PREPL: variants seen among roughly 807,000 people sequenced by gnomAD.
The protein encoded by PREPL is prolyl endopeptidase-like.
In PREPL, 77 loss-of-function variants were observed where a neutral mutation model predicts 70.6. That is an observed-to-expected ratio of 1.09 (90% CI 0.91 to 1.32). The LOEUF (loss-of-function observed/expected upper bound fraction) is 1.32, where lower values mean the gene tolerates loss of function less well. PREPL is among the 40% of genes most tolerant of loss of function. PREPL has a pLI of 0.00. For synonymous variants in PREPL, 315 were observed against 264.8 expected, an observed-to-expected ratio of 1.19 and a Z score of -1.84; for missense variants, 1,002 against 778.2, an observed-to-expected ratio of 1.29 and a Z score of -3.42.
At position 44,338,432 on chromosome 2, in the gene PREPL, G is replaced by A. The variant is rs1674861953; in HGVS notation, c.807C>T (p.His269=). 1 of 1,613,428 alleles carries A rather than the reference G, an allele frequency of 6.2e-7. No individual in the cohort carries two copies. Among genetic ancestry groups the A allele is most frequent in the Non-Finnish European group, 8.5e-7 (1 of 1,179,716 alleles). Residue 269 remains histidine (H), a synonymous_variant, in exon 7 of 14, where the codon CAC becomes CAT. Transcript: ENST00000409411. The part of the protein sequence containing the change: ...KVIDLDMFKD[H]CVLFLKHSNL... ...TGCTGTGCTTCAGAAATAGAACACAGTGATCCTTAAACATGTCCAAGTCTA... is the reference window on the plus strand; with the variant it reads ...TGCTGTGCTTCAGAAATAGAACACAATGATCCTTAAACATGTCCAAGTCTA...
At chr2:44,322,413 G>A (rs1296124894) in intron 12 of PREPL, among the ~76,000 whole-genome samples, 2 of 152,124 alleles carry the variant, frequency 1.3e-5, no homozygotes, top group Admixed American at 6.6e-5. Context: ...CAAGAATAAC[G>A]GCTCAATAAA....
intron 13 of PREPL, 73 bp from the exon 14 acceptor site, chr2:44,321,518 A>G (rs1327593037): frequency 1.3e-6 from 2 of 1,558,494 alleles, no homozygotes; most frequent in African/African-American, 2.8e-5. Context: ...GCTTCTCTTT[A>G]TCTATCCATC....
At chr2:44,361,672 C>T (rs748919437), upstream of PREPL, 3 of 279,876 alleles carry the variant, frequency 1.1e-5, no homozygotes, top group African/African-American at 6.5e-5. Flanking sequence ...TAAGACTTTT[C>T]GTTCTTCGCT....
At chr2:44,324,368 C>A (rs1330793613) in intron 10 of PREPL, among the ~76,000 whole-genome samples, 1 of 152,040 alleles carries the variant, frequency 6.6e-6, no homozygotes. Context: ...CTGAACTATT[C>A]ACTTAAAAAT....
Position 44,338,551 on chromosome 2 carries a change from G to C in PREPL, c.703-15C>G, listed in dbSNP as rs771209563. The C allele has an allele frequency of 3.1e-6, 5 of 1,588,794 alleles. No homozygotes were observed. The highest frequency in any genetic ancestry group is 1.4e-5 in the African/African-American group (1 of 73,490). ...GTTCTCATTAGCTACGTGGAACAAAGTTAGAAGACATATAGGTAAGAAAAC... is the reference window on the plus strand; with the variant it reads ...GTTCTCATTAGCTACGTGGAACAAACTTAGAAGACATATAGGTAAGAAAAC... On this transcript the variant is annotated splice_polypyrimidine_tract_variant and intron_variant, in intron 6 of 13. Coordinates refer to ENST00000409411, the MANE Select transcript of PREPL (RefSeq NM_001171613.2).
chr2:44,351,962 G>A (rs975235198), intron 1 of PREPL, among the ~76,000 whole-genome samples: 1 of 152,172 alleles, frequency 6.6e-6, no homozygotes, highest in Non-Finnish European at 1.5e-5. Context: ...TTACATTGCT[G>A]ACCTAATCTA....
At chr2:44,359,088 TCAGA>T (rs1402867800) in intron 1 of PREPL, among the ~76,000 whole-genome samples, 2 of 114,704 alleles carry the variant, frequency 1.7e-5, no homozygotes, top group African/African-American at 6.5e-5. Context: ...TTTTTTTTTT[TCAGA>T]CAGAGTCTCC....
Position 44,321,863 on chromosome 2 carries a change from A to G in PREPL, c.1791T>C (p.Pro597=), listed in dbSNP as rs189954086. The stretch of plus-strand genomic sequence containing the variant: ...AATCCTCAATTACATGATTGCCTCC[A>G]GGCTGAATATCTAGAATAATATTAG... ...QTPNIILDIQ[P]GGNHVIEDSH... Residue 597 remains proline (P), a synonymous_variant, in exon 13 of 14, where the codon CCT becomes CCC. Coordinates refer to ENST00000409411, the MANE Select transcript of PREPL (RefSeq NM_001171613.2). 4.2e-5 allele frequency: 68 copies of G among 1,613,742 alleles called. No homozygotes were observed. The Admixed American group carries it at 9.7e-4, about 23-fold the overall frequency.
chr2:44,359,238 T>C (rs1677393560), intron 1 of PREPL, among the ~76,000 whole-genome samples: 1 of 152,016 alleles, frequency 6.6e-6, no homozygotes, highest in Non-Finnish European at 1.5e-5. Context: ...TAGCTAACTT[T>C]TGTATTTTTA....
intron 10 of PREPL, among the ~76,000 whole-genome samples, chr2:44,324,662 G>C (rs1673315513): frequency 6.6e-6 from 1 of 152,164 alleles, no homozygotes; most frequent in African/African-American, 2.4e-5. Context: ...CAAATCACTT[G>C]AGCCCAGGAG....
At chr2:44,346,127 TTTTTAA>T in intron 2 of PREPL, 135 bp downstream of exon 2, 2 of 682,510 alleles carry the variant, frequency 2.9e-6, no homozygotes, top group Non-Finnish European at 4.7e-6. Flanking sequence ...AAATCTTTGC[TTTTTAA>T]GTTTTTCAGC....
At chr2:44,350,439 C>G (rs1002278802) in intron 1 of PREPL, among the ~76,000 whole-genome samples, 1 of 152,072 alleles carries the variant, frequency 6.6e-6, no homozygotes, top group Non-Finnish European at 1.5e-5. Context: ...GAGGAACTTC[C>G]TTAATAGTTT....
At chr2:44,327,993 A>G (rs1438637271) in intron 9 of PREPL, among the ~76,000 whole-genome samples, 1 of 150,378 alleles carries the variant, frequency 6.6e-6, no homozygotes, top group East Asian at 2.0e-4. Flanking sequence ...CTACTAAAAT[A>G]CAAAAAAATC....
Position 44,320,851 on chromosome 2 carries a change from T to C in PREPL, c.*505A>G, listed in dbSNP as rs1304888682. On this transcript the variant is annotated 3_prime_UTR_variant, in exon 14 of 14. Coordinates refer to ENST00000409411, the MANE Select transcript of PREPL (RefSeq NM_001171613.2). ...TATGGCTTATAGGAGCTTATAACTT[T>C]ATTCAGATAGCATCAATCAGGGATG... 3.5e-6 allele frequency: 2 copies of C among 575,432 alleles called. No homozygotes were observed. Among genetic ancestry groups the C allele is most frequent in the African/African-American group, 1.9e-5 (1 of 53,454 alleles). 35.6% of individuals were successfully genotyped at this position (575,432 alleles called of 1,614,324 possible).
chr2:44,350,489 T>C (rs1676300728), intron 1 of PREPL, among the ~76,000 whole-genome samples: 1 of 151,550 alleles, frequency 6.6e-6, no homozygotes, highest in Non-Finnish European at 1.5e-5. Context: ...AAATCTGTAA[T>C]CAAAATACCT....
intron 3 of PREPL, 67 bp downstream of exon 3, chr2:44,344,450 TTAA>T (rs1675563679): frequency 1.8e-6 from 2 of 1,142,852 alleles, no homozygotes; most frequent in Admixed American, 2.8e-5. Flanking sequence ...CTTTGAGAAA[TTAA>T]TAAATTTCCT....
intron 11 of PREPL, 69 bp from the exon 12 acceptor site, chr2:44,322,923 G>A (rs1278233815): frequency 6.5e-7 from 1 of 1,542,778 alleles, no homozygotes; most frequent in African/African-American, 1.4e-5. Flanking sequence ...TAGAGACTAT[G>A]AAAAATAATT....
chr2:44,327,099 C>T (rs1245527847), intron 9 of PREPL, among the ~76,000 whole-genome samples, 171 bp from the exon 10 acceptor site: 9 of 152,136 alleles, frequency 5.9e-5, no homozygotes, highest in Non-Finnish European at 1.3e-4. Flanking sequence ...AAACTGTACG[C>T]GGCCTGCAAA....
chr2:44,319,188 C>G lies in PREPL; in HGVS notation c.*2168G>C, dbSNP rs1412542166. On this transcript the variant is annotated 3_prime_UTR_variant, in exon 14 of 14. Transcript: ENST00000409411. Reference sequence around the variant, plus strand: ...TATTTAAAGACCACATATTGGGAACCTACCCCTAAAGAACAATAACAACCA... The same window carrying G: ...TATTTAAAGACCACATATTGGGAACGTACCCCTAAAGAACAATAACAACCA... 2.6e-5 allele frequency: 4 copies of G among 152,590 alleles called. No individual in the cohort carries two copies. The highest frequency in any genetic ancestry group is 2.0e-4 in the Admixed American group (3 of 15,268). 9.5% of individuals were successfully genotyped at this position (152,590 alleles called of 1,614,324 possible). A position where few individuals can be genotyped will look rare whatever the true frequency, so the allele number is the denominator to read the frequency against.
Sources: gnomAD v4.1 joint callset for allele counts (sites outside exome capture counted in the v4.1 genomes callset) on GRCh38, gnomAD v4.1.1 for gene constraint, MANE v1.5 for transcripts, NCBI Gene and HGNC (gene_info 2026-07-23, HGNC 2026-07-21) for gene names.